The following GNAZ variants were observed in gnomAD, a reference collection of about 807,000 sequenced individuals.
The protein encoded by GNAZ is guanine nucleotide-binding protein G(z) subunit alpha.
Under a neutral mutation model 25.4 loss-of-function variants are expected in GNAZ, and 3 were observed. The ratio of observed to expected loss-of-function variants is 0.12; its 90% CI spans 0.05 to 0.30. The LOEUF is 0.30. GNAZ is among the 10% of genes least tolerant of loss of function. GNAZ has a pLI of 1.00. For missense variants in GNAZ, 241 were observed against 501.8 expected (o/e 0.48, Z 4.97); for synonymous variants, 211 against 205.7 (o/e 1.03, Z -0.22).
chr22:23,095,151 T>G (rs2069088976), intron 1 of GNAZ, 96 bp from the exon 2 acceptor site: 1 of 159,532 alleles, frequency 6.3e-6, no homozygotes, highest in Non-Finnish European at 1.4e-5. Flanking sequence ...CCAAGGCCAG[T>G]CTCTGCTGCT....
rs1868970987 is a variant in GNAZ at position 23,124,688 on chromosome 22, G to T, written c.*1257G>T. ...CATGCCCCGCGCCTGAGACTGGCTG[G>T]AAATGCTCTGACTCCTGTGAAGGCA... On this transcript the variant is annotated 3_prime_UTR_variant, in exon 3 of 3. Transcript: ENST00000615612. 5.1e-6 allele frequency: 1 copy of T among 196,812 alleles called. No homozygotes were observed. Among genetic ancestry groups the T allele is most frequent in the South Asian group, 6.3e-5 (1 of 15,954 alleles). The allele number at this position is 196,812 out of a possible 1,614,324, so 12.2% of individuals were successfully genotyped here.
chr22:23,090,485 A>G (rs563181788), intron 1 of GNAZ, among the ~76,000 whole-genome samples: 11 of 152,256 alleles, frequency 7.2e-5, no homozygotes, highest in Admixed American at 2.6e-4. Context: ...CTGGTCACAC[A>G]GGGCAGGTCA....
Position 23,095,467 on chromosome 22 carries a change from G to A in GNAZ, c.-229G>A. 3.6e-6 allele frequency: 2 copies of A among 553,262 alleles called. No individual in the cohort carries two copies. The highest frequency in any genetic ancestry group is 2.5e-5 in the South Asian group (1 of 39,600). 34.3% of individuals were successfully genotyped at this position (553,262 alleles called of 1,614,324 possible). A position where few individuals can be genotyped will look rare whatever the true frequency, so the allele number is the denominator to read the frequency against. ...CCACTTTGCCAACTAGGGAGGTGGAGTGTCACTAGTGGGGAGGGGCGGCCA... is the reference window on the plus strand; with the variant it reads ...CCACTTTGCCAACTAGGGAGGTGGAATGTCACTAGTGGGGAGGGGCGGCCA... On this transcript the variant is annotated 5_prime_UTR_variant, in exon 2 of 3. It adds an upstream start codon to the 5' untranslated region. Coordinates refer to ENST00000615612, the MANE Select transcript of GNAZ (RefSeq NM_002073.4).
chr22:23,111,361 A>G (rs1394896850), intron 2 of GNAZ, among the ~76,000 whole-genome samples: 2 of 152,198 alleles, frequency 1.3e-5, no homozygotes, highest in Non-Finnish European at 2.9e-5. Context: ...GAGAGAGGCA[A>G]GCGCACTGGA....
At chr22:23,105,515 G>A (rs750789674) in intron 2 of GNAZ, among the ~76,000 whole-genome samples, 6 of 152,230 alleles carry the variant, frequency 3.9e-5, no homozygotes, top group Non-Finnish European at 5.9e-5. Flanking sequence ...AGGCTGCAGT[G>A]CCAGCGGCTA....
At chr22:23,107,525 CGA>C (rs1161315080) in intron 2 of GNAZ, among the ~76,000 whole-genome samples, 1 of 152,150 alleles carries the variant, frequency 6.6e-6, no homozygotes, top group Non-Finnish European at 1.5e-5. Context: ...CTGTGCCACT[CGA>C]GAGTCTCCAC....
At chr22:23,080,433 G>C (rs1040232702) in intron 1 of GNAZ, among the ~76,000 whole-genome samples, 2 of 152,224 alleles carry the variant, frequency 1.3e-5, no homozygotes, top group East Asian at 3.9e-4. Flanking sequence ...CCGGGGCATA[G>C]CCTGGGGTTG....
At chr22:23,087,050 A>G (rs773317012) in intron 1 of GNAZ, among the ~76,000 whole-genome samples, 1 of 152,200 alleles carries the variant, frequency 6.6e-6, no homozygotes, top group Non-Finnish European at 1.5e-5. Context: ...CGAGGAGGAA[A>G]CCTGGTAATC....
At chr22:23,080,721 G>A (rs2068653060) in intron 1 of GNAZ, among the ~76,000 whole-genome samples, 2 of 152,372 alleles carry the variant, frequency 1.3e-5, no homozygotes, top group South Asian at 4.1e-4. Flanking sequence ...ATGAATCAGT[G>A]ATGTCTTTCA....
intron 2 of GNAZ, chr22:23,122,386 C>T (rs568114532): frequency 6.5e-6 from 1 of 153,090 alleles, no homozygotes; most frequent in South Asian, 2.1e-4. Flanking sequence ...TCCAGGATGC[C>T]AGGGTCCTGC....
intron 1 of GNAZ, among the ~76,000 whole-genome samples, chr22:23,084,562 A>G (rs2068766030): frequency 1.3e-5 from 2 of 152,226 alleles, no homozygotes; most frequent in African/African-American, 2.4e-5. Flanking sequence ...AGACAGCCAC[A>G]CTGGCCAGGA....
At chr22:23,098,083 G>A (rs2069177399) in intron 2 of GNAZ, among the ~76,000 whole-genome samples, 1 of 152,256 alleles carries the variant, frequency 6.6e-6, no homozygotes, top group Admixed American at 6.5e-5. Context: ...TGTCTTCACA[G>A]ATGGGCCCAA....
chr22:23,091,279 C>T lies in GNAZ; in HGVS notation c.-449-3968C>T, dbSNP rs527799620. 4.6e-5 allele frequency among the ~76,000 whole-genome samples: 7 copies of T among 152,354 alleles called. 1 individual carries two copies. The East Asian group carries it at 1.3e-3, about 29-fold the overall frequency. ...ACACAGACACATCCATGCACCTGCA[C>T]TCTCACAGACACAAACAGGGACCTA... On this transcript the variant is annotated intron_variant, in intron 1 of 2. Transcript: ENST00000615612.
At position 23,087,646 on chromosome 22, in the gene GNAZ, A is replaced by C. The variant is rs1452719776; in HGVS notation, c.-449-7601A>C. On this transcript the variant is annotated intron_variant, in intron 1 of 2. Transcript: ENST00000615612. ...CATTCAGGAAGCAAAGTTTTTAAGG[A>C]TAACTTGGTGGATGGGGGGTAGCCA... 2.0e-5 allele frequency among the ~76,000 whole-genome samples: 3 copies of C among 152,318 alleles called. No homozygotes were observed. The East Asian group carries it at 5.8e-4, about 29-fold the overall frequency.
chr22:23,092,586 C>A (rs1199731007), intron 1 of GNAZ, among the ~76,000 whole-genome samples: 3 of 152,202 alleles, frequency 2.0e-5, no homozygotes, highest in Non-Finnish European at 4.4e-5. Context: ...GCCTCAGTTT[C>A]CCCTTTCCTT....
chr22:23,095,619 GGTCTCAGT>G lies in GNAZ; in HGVS notation c.-73_-66del. 10 of 1,492,708 alleles carry G rather than the reference GGTCTCAGT, an allele frequency of 6.7e-6. No homozygotes were observed. The highest frequency in any genetic ancestry group is 9.0e-6 in the Non-Finnish European group (10 of 1,113,776). The allele number at this position is 1,492,708 out of a possible 1,614,324, so 92.5% of individuals were successfully genotyped here. A position where few individuals can be genotyped will look rare whatever the true frequency, so the allele number is the denominator to read the frequency against. On this transcript the variant is annotated 5_prime_UTR_variant, in exon 2 of 3. Transcript: ENST00000615612. ...AGGGCAGCTGGGCTCTTGTCTGCCT[GGTCTCAGT>G]GTCCCCTGTGGCAAGAGGGAGAGGT...
intron 1 of GNAZ, among the ~76,000 whole-genome samples, chr22:23,080,857 C>G (rs1204007566): frequency 6.6e-6 from 1 of 152,260 alleles, no homozygotes; most frequent in Non-Finnish European, 1.5e-5. Context: ...CATCAGCACT[C>G]ACTGGATTAA....
chr22:23,123,531 G>A lies in GNAZ; in HGVS notation c.*100G>A, dbSNP rs2070091582. 4.2e-6 allele frequency: 3 copies of A among 720,990 alleles called. No individual in the cohort carries two copies. Among genetic ancestry groups the A allele is most frequent in the Admixed American group, 2.7e-5 (1 of 37,188 alleles). The allele number at this position is 720,990 out of a possible 1,614,324, so 44.7% of individuals were successfully genotyped here. A position where few individuals can be genotyped will look rare whatever the true frequency, so the allele number is the denominator to read the frequency against. ...CCAATCCAGGGGCAGAAAACAGGGG[G>A]CCTAAAGAATGTCCCCCACCCCTTG... On this transcript the variant is annotated 3_prime_UTR_variant, in exon 3 of 3. Coordinates refer to ENST00000615612, the MANE Select transcript of GNAZ (RefSeq NM_002073.4).
chr22:23,110,050 G>C (rs1437681831), intron 2 of GNAZ, among the ~76,000 whole-genome samples: 2 of 152,208 alleles, frequency 1.3e-5, no homozygotes, highest in African/African-American at 4.8e-5. Context: ...AACCAGATTG[G>C]ACTGTAAGTG....
Sources: gnomAD v4.1 joint callset for allele counts (sites outside exome capture counted in the v4.1 genomes callset) on GRCh38, gnomAD v4.1.1 for gene constraint, MANE v1.5 for transcripts, NCBI Gene and HGNC (gene_info 2026-07-23, HGNC 2026-07-21) for gene names.